The following LRRTM4 variants were observed in gnomAD, a reference collection of about 807,000 sequenced individuals.
LRRTM4 encodes the protein leucine rich repeat transmembrane neuronal 4, also known as leucine-rich repeat transmembrane neuronal protein 4.
A neutral mutation model predicts 47.6 loss-of-function variants in LRRTM4; 25 were observed. That is an observed-to-expected ratio of 0.53 (90% CI 0.38 to 0.73). The LOEUF (loss-of-function observed/expected upper bound fraction) is 0.73, where lower values mean the gene tolerates loss of function less well. Among genes scored for constraint, LRRTM4 ranks in the 30% least tolerant of loss-of-function variants. The pLI, the probability that LRRTM4 is intolerant of heterozygous loss-of-function variation, is 0.00. For synonymous variants in LRRTM4, 311 were observed against 269.5 expected (o/e 1.15, Z -1.51); for missense variants, 638 against 713.4 (o/e 0.89, Z 1.20).
chr2:76,760,356 T>C (rs1211450557), intron 3 of LRRTM4, among the ~76,000 whole-genome samples: 1 of 152,196 alleles, frequency 6.6e-6, no homozygotes, highest in African/African-American at 2.4e-5. Flanking sequence ...ATTTTTGTAA[T>C]GTAATTTCAT....
At chr2:76,978,505 T>C (rs781776019) in intron 3 of LRRTM4, among the ~76,000 whole-genome samples, 1 of 152,098 alleles carries the variant, frequency 6.6e-6, no homozygotes, top group Non-Finnish European at 1.5e-5. Context: ...ACCTCTAGCT[T>C]AAGGCTATTG....
chr2:77,468,672 T>TG (rs1366939141), intron 3 of LRRTM4, among the ~76,000 whole-genome samples: 1 of 152,120 alleles, frequency 6.6e-6, no homozygotes, highest in African/African-American at 2.4e-5. Context: ...ACTCCAGCTT[T>TG]GGGGGACAAA....
intron 3 of LRRTM4, among the ~76,000 whole-genome samples, chr2:77,287,068 G>A (rs371359260): frequency 8.2e-4 from 124 of 152,070 alleles, no homozygotes; most frequent in African/African-American, 2.6e-3. Context: ...ATAATGATAC[G>A]TTCGAGGCCA....
intron 3 of LRRTM4, among the ~76,000 whole-genome samples, chr2:77,029,532 T>C (rs1462620538): frequency 6.6e-6 from 1 of 152,130 alleles, no homozygotes. Context: ...CACATTCCAC[T>C]TTCTTCTGCC....
chr2:77,321,438 G>A (rs890126781), intron 3 of LRRTM4, among the ~76,000 whole-genome samples: 5 of 151,344 alleles, frequency 3.3e-5, no homozygotes, highest in Admixed American at 2.0e-4. Context: ...GAATTAGAAA[G>A]GTCTCCCATA....
chr2:76,788,680 T>TGTAGGACTGTGTGTCTTTG (rs1674807746), intron 3 of LRRTM4, among the ~76,000 whole-genome samples: 1 of 152,206 alleles, frequency 6.6e-6, no homozygotes, highest in African/African-American at 2.4e-5. Context: ...AGCACAATCT[T>TGTAGGACTGTGTGTCTTTG]GTAGGACTGT....
intron 3 of LRRTM4, among the ~76,000 whole-genome samples, chr2:76,754,602 T>C (rs1284381891): frequency 6.6e-6 from 1 of 152,304 alleles, no homozygotes; most frequent in East Asian, 1.9e-4. Flanking sequence ...GACATGTAAG[T>C]GTGAAAGCTC....
intron 3 of LRRTM4, among the ~76,000 whole-genome samples, chr2:77,092,920 A>G (rs1367842212): frequency 6.8e-6 from 1 of 147,218 alleles, no homozygotes; most frequent in Non-Finnish European, 1.5e-5. Context: ...ACACCTCACC[A>G]AGCTCAGCCA....
At chr2:77,321,552 A>AGGCG (rs1459558300) in intron 3 of LRRTM4, among the ~76,000 whole-genome samples, 3 of 21,202 alleles carry the variant, frequency 1.4e-4, no homozygotes, top group African/African-American at 3.4e-4. Flanking sequence ...TAAATCGGGG[A>AGGCG]GGGGGGGGGG....
intron 3 of LRRTM4, among the ~76,000 whole-genome samples, chr2:76,937,108 GA>G (rs973522858): frequency 2.9e-4 from 44 of 151,644 alleles, no homozygotes; most frequent in Non-Finnish European, 4.4e-5. Flanking sequence ...TACAGAGATA[GA>G]AAAAACTACA....
intron 3 of LRRTM4, among the ~76,000 whole-genome samples, chr2:76,967,157 CT>C (rs537519196): frequency 0.11 from 14,138 of 134,562 alleles, 1,082 homozygotes; most frequent in African/African-American, 0.26. Flanking sequence ...CATTCCCTTG[CT>C]TTTTTTTTTT....
At chr2:77,421,484 G>T (rs1358589699) in intron 3 of LRRTM4, among the ~76,000 whole-genome samples, 5 of 152,048 alleles carry the variant, frequency 3.3e-5, no homozygotes, top group Non-Finnish European at 5.9e-5. Context: ...GAGGCGGGCG[G>T]ATCACGAAGT....
intron 3 of LRRTM4, among the ~76,000 whole-genome samples, chr2:77,290,057 A>G (rs1256342876): frequency 1.3e-5 from 2 of 151,954 alleles, no homozygotes; most frequent in African/African-American, 2.4e-5. Context: ...AATATTTTAT[A>G]GGCTAAAACA....
chr2:76,910,553 G>T (rs1224062679), intron 3 of LRRTM4, among the ~76,000 whole-genome samples: 1 of 152,144 alleles, frequency 6.6e-6, no homozygotes, highest in Non-Finnish European at 1.5e-5. Flanking sequence ...AGAAATATTT[G>T]TTTCTCATTA....
At chr2:77,377,786 T>C (rs999311300) in intron 3 of LRRTM4, among the ~76,000 whole-genome samples, 6 of 152,062 alleles carry the variant, frequency 3.9e-5, no homozygotes, top group Non-Finnish European at 1.5e-5. Context: ...ATAGATTTTG[T>C]AATACTAAGA....
At chr2:76,978,660 C>T (rs961987526) in intron 3 of LRRTM4, among the ~76,000 whole-genome samples, 1 of 152,030 alleles carries the variant, frequency 6.6e-6, no homozygotes, top group Non-Finnish European at 1.5e-5. Context: ...CAAGATGTAG[C>T]ACTTTCAACA....
At chr2:77,240,579 T>C (rs1675231317) in intron 3 of LRRTM4, among the ~76,000 whole-genome samples, 2 of 151,856 alleles carry the variant, frequency 1.3e-5, no homozygotes, top group African/African-American at 4.8e-5. Flanking sequence ...CTTTCCAGCA[T>C]AATAAGACAA....
chr2:77,219,103 C>G (rs1674544751), intron 3 of LRRTM4, among the ~76,000 whole-genome samples: 2 of 152,106 alleles, frequency 1.3e-5, no homozygotes, highest in Non-Finnish European at 2.9e-5. Context: ...TGATTTTTCC[C>G]TACTGAAATG....
chr2:77,196,838 G>A (rs776421226), intron 3 of LRRTM4, among the ~76,000 whole-genome samples: 37 of 152,148 alleles, frequency 2.4e-4, no homozygotes, highest in Non-Finnish European at 4.7e-4. Context: ...AACAATATAA[G>A]TATGGGAAAT....
Sources: allele counts gnomAD v4.1 joint callset (sites outside exome capture counted in the v4.1 genomes callset), GRCh38; gene constraint gnomAD v4.1.1; transcripts MANE v1.5; gene names NCBI Gene and HGNC (gene_info 2026-07-23, HGNC 2026-07-21).